TBC1D14: variants seen among roughly 807,000 people sequenced by gnomAD.
TBC1D14 encodes the protein TBC1 domain family, member 14.
A neutral mutation model predicts 79.0 loss-of-function variants in TBC1D14; 26 were observed. That is an observed-to-expected ratio of 0.33 (90% CI 0.24 to 0.46). TBC1D14 has a LOEUF of 0.46. Ranked by LOEUF, TBC1D14 falls within the 20% of genes least tolerant of loss-of-function variation. TBC1D14 has a pLI of 1.00. For missense variants in TBC1D14, 769 were observed against 887.6 expected (o/e 0.87, Z 1.70); for synonymous variants, 394 against 349.9 (o/e 1.13, Z -1.40).
At chr4:6,960,208 A>G (rs1044555400) in intron 2 of TBC1D14, among the ~76,000 whole-genome samples, 1 of 151,292 alleles carries the variant, frequency 6.6e-6, no homozygotes, top group South Asian at 2.1e-4. Flanking sequence ...TAGTCTACCA[A>G]GTAGCTGGGA....
intron 9 of TBC1D14, among the ~76,000 whole-genome samples, chr4:7,007,115 C>T (rs993202962): frequency 4.6e-5 from 7 of 152,120 alleles, no homozygotes; most frequent in East Asian, 1.9e-4. Context: ...TGATGGGCTT[C>T]GGCTCAGATG....
intron 2 of TBC1D14, among the ~76,000 whole-genome samples, chr4:6,957,501 G>A (rs570455139): frequency 3.0e-4 from 45 of 152,284 alleles, no homozygotes; most frequent in African/African-American, 9.4e-4. Flanking sequence ...TTCTGAAGCC[G>A]GGGGCACACT....
chr4:6,912,015 G>T (rs1046141579), intron 1 of TBC1D14, among the ~76,000 whole-genome samples: 4 of 152,104 alleles, frequency 2.6e-5, no homozygotes, highest in African/African-American at 9.7e-5. Context: ...GAACTCCTCG[G>T]CTCAAGCGAT....
intron 2 of TBC1D14, among the ~76,000 whole-genome samples, chr4:6,940,248 G>T (rs949435897): frequency 6.6e-6 from 1 of 152,236 alleles, no homozygotes; most frequent in Admixed American, 6.5e-5. Context: ...CCCGTTGGGC[G>T]GCTCAGATTA....
intron 5 of TBC1D14, 138 bp from the exon 6 acceptor site, chr4:6,998,947 G>A: frequency 1.4e-6 from 1 of 707,446 alleles, no homozygotes. Context: ...CAGGTGTGAA[G>A]TGAGCGCTGG....
At chr4:7,029,802 G>T (rs1042415886) in intron 13 of TBC1D14, among the ~76,000 whole-genome samples, 1 of 152,206 alleles carries the variant, frequency 6.6e-6, no homozygotes, top group Admixed American at 6.5e-5. Flanking sequence ...TCCAGCCTGG[G>T]TGACAGAGCG....
chr4:6,929,408 C>T (rs935519129), intron 2 of TBC1D14, among the ~76,000 whole-genome samples: 1 of 152,120 alleles, frequency 6.6e-6, no homozygotes, highest in African/African-American at 2.4e-5. Flanking sequence ...TGATGAGGAT[C>T]TGGAGAGAGA....
intron 2 of TBC1D14, among the ~76,000 whole-genome samples, chr4:6,945,594 C>A (rs1194243201): frequency 5.3e-5 from 8 of 151,674 alleles, no homozygotes; most frequent in Non-Finnish European, 7.4e-5. Flanking sequence ...ACTAAAAATG[C>A]AAAATTAGCC....
intron 2 of TBC1D14, among the ~76,000 whole-genome samples, chr4:6,937,212 G>A (rs1712423157): frequency 1.3e-5 from 2 of 152,216 alleles, no homozygotes; most frequent in South Asian, 4.1e-4. Context: ...CCACCACGCT[G>A]GGCCTTTTTA....
At chr4:7,018,123 C>T (rs1009368077) in intron 12 of TBC1D14, among the ~76,000 whole-genome samples, 7 of 152,216 alleles carry the variant, frequency 4.6e-5, no homozygotes, top group African/African-American at 1.7e-4. Flanking sequence ...GGGGTCTTTG[C>T]TGCTTCTGCT....
intron 2 of TBC1D14, among the ~76,000 whole-genome samples, chr4:6,929,774 C>T (rs1306059865): frequency 2.0e-4 from 30 of 152,206 alleles, no homozygotes; most frequent in Admixed American, 2.0e-3. Flanking sequence ...ATGAGTTAAA[C>T]TGTTAGCTGG....
At position 7,004,830 on chromosome 4, in the gene TBC1D14, G is replaced by C; in HGVS notation, c.1271-14G>C. On this transcript the variant is annotated splice_polypyrimidine_tract_variant and intron_variant, in intron 7 of 13. Coordinates refer to ENST00000409757, the MANE Select transcript of TBC1D14 (RefSeq NM_020773.3). ...CATGTGCACGTAATACTTACCCAGA[G>C]GCTTTTCTTCCAGAGCTCTTTGACA... 1 of 1,614,044 alleles carries C rather than the reference G, an allele frequency of 6.2e-7. No individual in the cohort carries two copies. Among genetic ancestry groups the C allele is most frequent in the Non-Finnish European group, 8.5e-7 (1 of 1,179,938 alleles).
At chr4:7,009,175 TAGAC>T (rs1438385362) in intron 9 of TBC1D14, among the ~76,000 whole-genome samples, 19 of 152,236 alleles carry the variant, frequency 1.2e-4, no homozygotes, top group Non-Finnish European at 2.1e-4. Flanking sequence ...CTGGTAGACA[TAGAC>T]AGTAAGTGTT....
At chr4:6,953,870 G>A (rs1258718727) in intron 2 of TBC1D14, among the ~76,000 whole-genome samples, 1 of 152,158 alleles carries the variant, frequency 6.6e-6, no homozygotes, top group Non-Finnish European at 1.5e-5. Context: ...CTCAGGAAGC[G>A]CTGTGTGCTT....
chr4:7,022,379 G>A (rs1417755179), intron 12 of TBC1D14, among the ~76,000 whole-genome samples: 1 of 152,256 alleles, frequency 6.6e-6, no homozygotes, highest in Non-Finnish European at 1.5e-5. Flanking sequence ...GTCCAGGAGT[G>A]TCAGGAGCGT....
chr4:6,924,066 G>A lies in TBC1D14; in HGVS notation c.677G>A (p.Gly226Glu). The A allele has an allele frequency of 2.5e-6, 4 of 1,613,730 alleles. No individual in the cohort carries two copies. The highest frequency in any genetic ancestry group is 3.4e-6 in the Non-Finnish European group (4 of 1,179,972). The part of the protein sequence containing the change: ...QQDCVHEAEE[G>E]SKLKILGPFS... Reference sequence around the variant, plus strand: ...GACTGTGTTCATGAAGCTGAGGAGGGGAGTAAATTGAAAATATTGGGGCCA... The same window carrying A: ...GACTGTGTTCATGAAGCTGAGGAGGAGAGTAAATTGAAAATATTGGGGCCA... The change falls in exon 2 of 14, where the codon GGG becomes GAG. Residue 226 changes from glycine (G) to glutamate (E), a missense_variant. Transcript: ENST00000409757.
chr4:6,954,139 G>C, intron 2 of TBC1D14: 1 of 612,076 alleles, frequency 1.6e-6, no homozygotes. Context: ...CCGCCGGCCT[G>C]CTGGGTCCAG....
intron 2 of TBC1D14, among the ~76,000 whole-genome samples, chr4:6,929,720 A>G (rs79160353): frequency 0.031 from 4,778 of 152,280 alleles, 114 homozygotes; most frequent in South Asian, 0.044. Context: ...CAGACTGCAT[A>G]AGATGAAAGT....
At chr4:7,001,649 G>A in intron 7 of TBC1D14, among the ~76,000 whole-genome samples, 1 of 152,190 alleles carries the variant, frequency 6.6e-6, no homozygotes, top group Non-Finnish European at 1.5e-5. Context: ...TTTTTTTCAG[G>A]CAGCCTTGGA....
Sources: allele counts gnomAD v4.1 joint callset (sites outside exome capture counted in the v4.1 genomes callset), GRCh38; gene constraint gnomAD v4.1.1; transcripts MANE v1.5; gene names NCBI Gene and HGNC (gene_info 2026-07-23, HGNC 2026-07-21).